ADAM32: variants seen among roughly 807,000 people sequenced by gnomAD.
The protein encoded by ADAM32 is disintegrin and metalloproteinase domain-containing protein 32.
A neutral mutation model predicts 114.9 loss-of-function variants in ADAM32; 89 were observed. That is an observed-to-expected ratio of 0.77 (90% confidence interval 0.65 to 0.92). The LOEUF (loss-of-function observed/expected upper bound fraction) is 0.92. ADAM32 is among the 40% of genes least tolerant of loss of function. The pLI, the probability that ADAM32 is intolerant of heterozygous loss-of-function variation, is 0.00. For synonymous variants in ADAM32, 285 were observed against 307.5 expected (o/e 0.93, Z 0.77); for missense variants, 870 against 932.8 (o/e 0.93, Z 0.88).
chr8:39,201,613 C>A (rs1807417492), intron 11 of ADAM32, among the ~76,000 whole-genome samples: 1 of 152,144 alleles, frequency 6.6e-6, no homozygotes, highest in South Asian at 2.1e-4. Flanking sequence ...ATTGAATACC[C>A]TTTATTTCTT....
chr8:39,200,861 C>T (rs1023717166), intron 11 of ADAM32, among the ~76,000 whole-genome samples: 3 of 152,174 alleles, frequency 2.0e-5, no homozygotes, highest in African/African-American at 7.2e-5. Flanking sequence ...GTTTTCCCAG[C>T]ACCATTTATT....
intron 10 of ADAM32, among the ~76,000 whole-genome samples, chr8:39,184,908 A>G (rs997834918): frequency 6.6e-6 from 1 of 152,156 alleles, no homozygotes; most frequent in Non-Finnish European, 1.5e-5. Context: ...CTATGGTGGT[A>G]ATTGCACCCA....
At chr8:39,130,811 A>G (rs1187826941) in intron 2 of ADAM32, 2 of 451,678 alleles carry the variant, frequency 4.4e-6, no homozygotes, top group Admixed American at 4.8e-5. Flanking sequence ...AATATGGTCA[A>G]TCATGAAGAA....
rs930876737 is a variant in ADAM32 at position 39,256,513 on chromosome 8, G to T, written c.2006-674G>T. ...TTTGTGCCCCACAGCTTCCATTTCTGTCATTAATTCATTTATTGAGTTAGC... is the reference window on the plus strand; with the variant it reads ...TTTGTGCCCCACAGCTTCCATTTCTTTCATTAATTCATTTATTGAGTTAGC... On this transcript the variant is annotated intron_variant, in intron 18 of 24. Coordinates refer to ENST00000379907, the MANE Select transcript of ADAM32 (RefSeq NM_145004.7). Among the ~76,000 whole-genome samples the T allele has an allele frequency of 2.0e-5, 3 of 152,086 alleles. No homozygotes were observed. The South Asian group carries it at 6.2e-4, about 31-fold the overall frequency.
intron 22 of ADAM32, chr8:39,276,282 T>C (rs532906926): frequency 1.8e-4 from 27 of 153,274 alleles, no homozygotes; most frequent in African/African-American, 5.6e-4. Context: ...ATAGATCACC[T>C]GGGAAGAATT....
At chr8:39,213,171 C>T (rs1205824452) in intron 12 of ADAM32, among the ~76,000 whole-genome samples, 2 of 151,984 alleles carry the variant, frequency 1.3e-5, no homozygotes, top group East Asian at 1.9e-4. Context: ...GTGGAGAAAA[C>T]ATTTAAAATT....
At chr8:39,151,310 AT>A in intron 5 of ADAM32, 66 bp from the exon 6 acceptor site, 1 of 1,329,362 alleles carries the variant, frequency 7.5e-7, no homozygotes, top group East Asian at 2.7e-5. Context: ...TTTCTTTTGG[AT>A]TTTGTCAGAA....
At chr8:39,151,234 C>T in intron 5 of ADAM32, 143 bp from the exon 6 acceptor site, 3 of 634,874 alleles carry the variant, frequency 4.7e-6, no homozygotes, top group Non-Finnish European at 7.4e-6. Context: ...AATCTTTTGT[C>T]TCTTCAGAGT....
chr8:39,225,814 A>G (rs1389184485), intron 14 of ADAM32, among the ~76,000 whole-genome samples: 1 of 151,992 alleles, frequency 6.6e-6, no homozygotes, highest in African/African-American at 2.4e-5. Flanking sequence ...CAGTGAAAGC[A>G]TTCTGTAAAG....
intron 19 of ADAM32, among the ~76,000 whole-genome samples, chr8:39,260,239 A>G (rs1249240810): frequency 1.3e-5 from 2 of 152,146 alleles, no homozygotes; most frequent in African/African-American, 4.8e-5. Flanking sequence ...GCAAATGTCA[A>G]GTTTTTTACG....
At chr8:39,217,068 T>C (rs1808619098) in intron 12 of ADAM32, among the ~76,000 whole-genome samples, 1 of 150,512 alleles carries the variant, frequency 6.6e-6, no homozygotes, top group Non-Finnish European at 1.5e-5. Context: ...CTTTTGTTTC[T>C]CTGGGAAAGT....
chr8:39,147,898 C>T (rs545575177), intron 4 of ADAM32, among the ~76,000 whole-genome samples: 11 of 152,090 alleles, frequency 7.2e-5, no homozygotes, highest in South Asian at 2.1e-4. Context: ...CTCAGCCTCC[C>T]GAGTATTTGG....
chr8:39,261,282 T>C (rs1408465959), intron 19 of ADAM32, among the ~76,000 whole-genome samples: 1 of 152,188 alleles, frequency 6.6e-6, no homozygotes, highest in Admixed American at 6.5e-5. Flanking sequence ...AGATCAACTT[T>C]TTTTTAGCTT....
At chr8:39,235,552 A>T (rs534405781) in intron 16 of ADAM32, among the ~76,000 whole-genome samples, 4 of 152,216 alleles carry the variant, frequency 2.6e-5, no homozygotes, top group Admixed American at 6.5e-5. Context: ...AGTCTTTGAG[A>T]TGATTTGATA....
intron 19 of ADAM32, among the ~76,000 whole-genome samples, chr8:39,262,849 G>A (rs772572816): frequency 6.6e-6 from 1 of 152,030 alleles, no homozygotes; most frequent in Non-Finnish European, 1.5e-5. Flanking sequence ...GGGACAACAG[G>A]TGCGTGCCAC....
At chr8:39,271,266 A>T (rs1564728929) in intron 20 of ADAM32, among the ~76,000 whole-genome samples, 1 of 152,200 alleles carries the variant, frequency 6.6e-6, no homozygotes, top group Non-Finnish European at 1.5e-5. Context: ...ATGATAAACC[A>T]CATGTATGAT....
intron 2 of ADAM32, among the ~76,000 whole-genome samples, chr8:39,126,519 T>A (rs1377677172): frequency 6.6e-6 from 1 of 152,192 alleles, no homozygotes; most frequent in African/African-American, 2.4e-5. Flanking sequence ...TTTTTGCACA[T>A]TGATTTTGTA....
intron 16 of ADAM32, among the ~76,000 whole-genome samples, chr8:39,237,335 T>G (rs1235494744): frequency 6.6e-6 from 1 of 152,070 alleles, no homozygotes; most frequent in Admixed American, 6.6e-5. Context: ...TGTAAAAATT[T>G]TGACTTAGTG....
intron 1 of ADAM32, among the ~76,000 whole-genome samples, chr8:39,109,923 C>G (rs1369878844): frequency 6.6e-6 from 1 of 152,178 alleles, no homozygotes. Context: ...GGCAACAACT[C>G]ATCTCCTTAG....
Sources: gnomAD v4.1 joint callset for allele counts (sites outside exome capture counted in the v4.1 genomes callset) on GRCh38, gnomAD v4.1.1 for gene constraint, MANE v1.5 for transcripts, NCBI Gene and HGNC (gene_info 2026-07-23, HGNC 2026-07-21) for gene names.